The following CDK13 variants were observed in gnomAD, a reference collection of about 807,000 sequenced individuals.
The protein encoded by CDK13 is cyclin dependent kinase 13.
CDK13 carries 40 observed loss-of-function variants against 137.6 expected under a neutral mutation model. The observed-to-expected ratio is 0.29, with a 90% CI of 0.23 to 0.38. The LOEUF (loss-of-function observed/expected upper bound fraction) is 0.38. Among genes scored for constraint, CDK13 ranks in the 10% least tolerant of loss-of-function variants. The probability of loss-of-function intolerance (pLI) is 1.00; values close to 1 mark genes in which losing one functional copy is unlikely to be tolerated. For missense variants in CDK13, 1,704 were observed against 1,951.8 expected (o/e 0.87, Z 2.39); for synonymous variants, 869 against 760.1 (o/e 1.14, Z -2.36).
chr7:39,957,574 G>C (rs1787456201), intron 1 of CDK13, among the ~76,000 whole-genome samples: 3 of 152,316 alleles, frequency 2.0e-5, no homozygotes, highest in African/African-American at 7.2e-5. Context: ...CTAGGATAGG[G>C]CAGGTAATTG....
chr7:39,972,093 A>G lies in CDK13; in HGVS notation c.1212-15506A>G, dbSNP rs76468034. Reference sequence around the variant, plus strand: ...TTTCATTTTCTGTCTTCAAAAATACATATCAAGGCATGGTTCAGGGAAACA... The same window carrying G: ...TTTCATTTTCTGTCTTCAAAAATACGTATCAAGGCATGGTTCAGGGAAACA... On this transcript the variant is annotated intron_variant, in intron 1 of 13. Coordinates refer to ENST00000181839, the MANE Select transcript of CDK13 (RefSeq NM_003718.5). Among the ~76,000 whole-genome samples, 56 of 152,274 alleles carry G rather than the reference A, an allele frequency of 3.7e-4. No individual in the cohort carries two copies. The East Asian group carries it at 0.01, about 27-fold the overall frequency.
chr7:39,967,051 C>T (rs912768397), intron 1 of CDK13, among the ~76,000 whole-genome samples: 1 of 152,154 alleles, frequency 6.6e-6, no homozygotes. Context: ...TTAGGCTACT[C>T]GGGGTTCAGG....
At chr7:40,040,130 G>C (rs1032577918) in intron 5 of CDK13, among the ~76,000 whole-genome samples, 2 of 151,472 alleles carry the variant, frequency 1.3e-5, no homozygotes, top group Non-Finnish European at 2.9e-5. Flanking sequence ...TCCTGCCTCT[G>C]CCTCCCCAGT....
chr7:40,060,291 A>AT (rs1420154166), intron 7 of CDK13, among the ~76,000 whole-genome samples: 2 of 152,198 alleles, frequency 1.3e-5, no homozygotes, highest in African/African-American at 4.8e-5. Context: ...CACTAAAAAT[A>AT]TTTTTTAAAG....
rs1350402591 is a variant in CDK13 at position 40,089,432 on chromosome 7, T to G, written c.3235+1101T>G. 3.4e-5 allele frequency among the ~76,000 whole-genome samples: 3 copies of G among 87,010 alleles called. No individual in the cohort carries two copies. The Admixed American group carries it at 4.3e-4, about 12-fold the overall frequency. The allele number at this position is 87,010 out of a possible 152,430, so 57.1% of individuals were successfully genotyped here. ...TCCAGCCTGGGTGACAGAGCGAGAC[T>G]GTCTCAAAAAAAAAAAAAAAAAGGA... On this transcript the variant is annotated intron_variant, in intron 12 of 13. Coordinates refer to ENST00000181839, the MANE Select transcript of CDK13 (RefSeq NM_003718.5).
chr7:40,085,169 T>C (rs1786760700), intron 11 of CDK13, among the ~76,000 whole-genome samples: 1 of 152,146 alleles, frequency 6.6e-6, no homozygotes, highest in African/African-American at 2.4e-5. Context: ...AAGACCAGCC[T>C]GGTCAACATG....
chr7:40,059,593 G>A (rs1055362660), intron 7 of CDK13, among the ~76,000 whole-genome samples: 3 of 152,072 alleles, frequency 2.0e-5, no homozygotes, highest in African/African-American at 4.8e-5. Flanking sequence ...GCCTGACCTC[G>A]TGATCCACCC....
intron 1 of CDK13, among the ~76,000 whole-genome samples, chr7:39,979,216 CTTTT>C (rs71560152): frequency 1.5e-5 from 2 of 130,886 alleles, no homozygotes; most frequent in Non-Finnish European, 3.2e-5. Context: ...TCTTTTTTTT[CTTTT>C]TTTTTTTTTT....
chr7:40,087,567 G>A (rs866441541), intron 11 of CDK13, among the ~76,000 whole-genome samples: 8 of 32,030 alleles, frequency 2.5e-4, no homozygotes, highest in African/African-American at 1.5e-3. Flanking sequence ...TTTTTTTTTT[G>A]AGACGGAGTC....
chr7:40,019,090 C>T (rs1412128274), intron 5 of CDK13, among the ~76,000 whole-genome samples: 1 of 152,104 alleles, frequency 6.6e-6, no homozygotes, highest in Admixed American at 6.6e-5. Context: ...GAAGGTTATT[C>T]ATACTGTTTA....
intron 7 of CDK13, among the ~76,000 whole-genome samples, chr7:40,059,493 G>T (rs768167399): frequency 6.6e-6 from 1 of 152,134 alleles, no homozygotes; most frequent in South Asian, 2.1e-4. Context: ...CAATTAGCTG[G>T]GATTACAGAT....
chr7:39,991,485 G>GTA (rs1491542302), intron 2 of CDK13, among the ~76,000 whole-genome samples: 1 of 14,806 alleles, frequency 6.8e-5, no homozygotes, highest in Non-Finnish European at 1.8e-4. Flanking sequence ...ATTAGCAAAA[G>GTA]TGTGTGTGTG....
In CDK13 at chr7:39,950,524, C is replaced by T. The variant is rs1037332770; in HGVS notation, c.-118C>T. ...CGGATTATCGTGGCGCTTTTCCCGG[C>T]CGGCTCTGGTGCTCGGTGTCCCTCC... On this transcript the variant is annotated 5_prime_UTR_variant, in exon 1 of 14. Transcript: ENST00000181839. The T allele has an allele frequency of 1.3e-5, 17 of 1,266,466 alleles. No individual in the cohort carries two copies. Among genetic ancestry groups the T allele is most frequent in the South Asian group, 5.6e-5 (2 of 35,742 alleles). The allele number at this position is 1,266,466 out of a possible 1,614,324, so 78.5% of individuals were successfully genotyped here.
chr7:40,052,568 TC>T (rs1785916487), intron 7 of CDK13, among the ~76,000 whole-genome samples: 1 of 152,080 alleles, frequency 6.6e-6, no homozygotes, highest in African/African-American at 2.4e-5. Flanking sequence ...CATATGATGA[TC>T]CAGTAAGGAG....
intron 7 of CDK13, among the ~76,000 whole-genome samples, chr7:40,050,105 G>T (rs1346377043): frequency 6.6e-6 from 1 of 151,792 alleles, no homozygotes; most frequent in Non-Finnish European, 1.5e-5. Context: ...TCAGCCTACC[G>T]ATAGCTGGGA....
intron 6 of CDK13, 141 bp from the exon 7 acceptor site, chr7:40,047,680 T>G (rs1785779337): frequency 1.8e-6 from 1 of 564,924 alleles, no homozygotes; most frequent in African/African-American, 1.8e-5. Flanking sequence ...CTGTATTACC[T>G]TGATGATATT....
chr7:40,001,712 A>G, intron 4 of CDK13, 149 bp from the exon 5 acceptor site: 1 of 641,222 alleles, frequency 1.6e-6, no homozygotes, highest in Admixed American at 2.7e-5. Flanking sequence ...AACTATAAAT[A>G]TTATTTGGTA....
chr7:39,981,237 G>A (rs1562710081), intron 1 of CDK13, among the ~76,000 whole-genome samples: 1 of 151,934 alleles, frequency 6.6e-6, no homozygotes, highest in Non-Finnish European at 1.5e-5. Flanking sequence ...GTGTGGTGGT[G>A]CGCGCCTGTA....
chr7:40,021,851 T>C (rs1001385369), intron 5 of CDK13, among the ~76,000 whole-genome samples: 3 of 152,132 alleles, frequency 2.0e-5, no homozygotes, highest in Non-Finnish European at 4.4e-5. Flanking sequence ...TTCAAGCAGA[T>C]AGTTATTTCT....
Sources: gnomAD v4.1 joint callset for allele counts (sites outside exome capture counted in the v4.1 genomes callset) on GRCh38, gnomAD v4.1.1 for gene constraint, MANE v1.5 for transcripts, NCBI Gene and HGNC (gene_info 2026-07-23, HGNC 2026-07-21) for gene names.